SYT4: variants seen among roughly 807,000 people sequenced by gnomAD.
The protein encoded by SYT4 is synaptotagmin-4.
SYT4 carries 7 observed loss-of-function variants against 32.9 expected under a neutral mutation model. The observed-to-expected ratio is 0.21, with a 90% confidence interval of 0.12 to 0.40. The LOEUF is 0.40. Ranked by LOEUF, SYT4 falls within the 10% of genes least tolerant of loss-of-function variation. The probability of loss-of-function intolerance (pLI) is 1.00; values close to 1 mark genes in which losing one functional copy is unlikely to be tolerated. For missense variants in SYT4, 480 were observed against 488.0 expected, an observed-to-expected ratio of 0.98 and a Z score of 0.16; for synonymous variants, 205 against 186.2, an observed-to-expected ratio of 1.10 and a Z score of -0.82.
chr18:43,277,346 G>T lies in SYT4; in HGVS notation c.-65C>A. On this transcript the variant is annotated 5_prime_UTR_variant, in exon 1 of 4. Transcript: ENST00000255224. The stretch of plus-strand genomic sequence containing the variant: ...CTGCCTGGCTGGATTCACTTGCCTG[G>T]ATCTCAAGCGCCGGCTTTCGGAGCG... 1.2e-6 allele frequency: 2 copies of T among 1,601,586 alleles called. No homozygotes were observed. Among genetic ancestry groups the T allele is most frequent in the East Asian group, 2.2e-5 (1 of 44,668 alleles).
At chr18:43,275,425 T>A (rs916194382) in intron 1 of SYT4, among the ~76,000 whole-genome samples, 1 of 152,022 alleles carries the variant, frequency 6.6e-6, no homozygotes, top group Non-Finnish European at 1.5e-5. Flanking sequence ...ATCCATAGAG[T>A]CAATGCTTAA....
In SYT4 at chr18:43,274,109, T is replaced by C; in HGVS notation, c.320A>G (p.Lys107Arg). The change falls in exon 2 of 4, where the codon AAA (lysine) becomes AGA (arginine). Residue 107 changes from lysine (K) to arginine (R), a missense_variant. Physicochemically the swap from Lys to Arg is conservative, Grantham distance 26 (BLOSUM62 2). Transcript: ENST00000255224. Reference protein sequence around the residue: ...EKRDLNGNFPKTNLKPGSPSD... With the variant: ...EKRDLNGNFPRTNLKPGSPSD... ...AGGACTGCCAGGTTTGAGGTTGGTT[T>C]TGGGAAAATTGCCATTGAGATCTCT... 6.2e-7 allele frequency: 1 copy of C among 1,614,044 alleles called. No homozygotes were observed.
At position 43,267,970 on chromosome 18, in the gene SYT4, G is replaced by A. The variant is rs1309209165; in HGVS notation, c.*2371C>T. On this transcript the variant is annotated 3_prime_UTR_variant, in exon 4 of 4. Coordinates refer to ENST00000255224, the MANE Select transcript of SYT4 (RefSeq NM_020783.4). ...CATACAGAGCTGGCACAAAAGAACAGACACTGTCTCACACACCATGCTTCC... is the reference window on the plus strand; with the variant it reads ...CATACAGAGCTGGCACAAAAGAACAAACACTGTCTCACACACCATGCTTCC... The A allele has an allele frequency of 6.6e-6, 1 of 152,186 alleles. No homozygotes were observed. Among genetic ancestry groups the A allele is most frequent in the East Asian group, 1.9e-4 (1 of 5,202 alleles). 9.4% of individuals were successfully genotyped at this position (152,186 alleles called of 1,614,324 possible).
At position 43,273,888 on chromosome 18, in the gene SYT4, G is replaced by A; in HGVS notation, c.541C>T (p.Pro181Ser). ...GTCATCGACTGCTCATCCATGGCTGGCAAGCCACGGGCTTCCTTGATATTG... is the reference window on the plus strand; with the variant it reads ...GTCATCGACTGCTCATCCATGGCTGACAAGCCACGGGCTTCCTTGATATTG... ...VVNIKEARGLPAMDEQSMTSD... is the reference protein window; with the variant it reads ...VVNIKEARGLSAMDEQSMTSD... Residue 181 changes from proline to serine, a missense_variant, in exon 2 of 4, where the codon CCA becomes TCA. By Grantham distance (74) the Pro-to-Ser change is moderately conservative. Transcript: ENST00000255224. The A allele has an allele frequency of 6.2e-7, 1 of 1,613,962 alleles. No individual in the cohort carries two copies. The highest frequency in any genetic ancestry group is 8.5e-7 in the Non-Finnish European group (1 of 1,179,942).
Position 43,270,022 on chromosome 18 carries a change from A to T in SYT4, c.*319T>A. 3.6e-6 allele frequency: 1 copy of T among 279,282 alleles called. No homozygotes were observed. 17.3% of individuals were successfully genotyped at this position (279,282 alleles called of 1,614,324 possible). A position where few individuals can be genotyped will look rare whatever the true frequency, so the allele number is the denominator to read the frequency against. ...CATTAACTTTTTGTGACATGTTCCA[A>T]TGAGATTGTCACATTTATAATTTGG... On this transcript the variant is annotated 3_prime_UTR_variant, in exon 4 of 4. Transcript: ENST00000255224.
At position 43,274,288 on chromosome 18, in the gene SYT4, C is replaced by T; in HGVS notation, c.141G>A (p.Lys47=). ...CCQRKSSKSN[K]TPPYKFVHVL... ...CATGCACAAACTTGTATGGAGGAGT[C>T]TTGTTAGACTTGGATGATTTTCTCT... Residue 47 remains lysine (K), a synonymous_variant, in exon 2 of 4, where the codon AAG becomes AAA. Coordinates refer to ENST00000255224, the MANE Select transcript of SYT4 (RefSeq NM_020783.4). 1 of 1,613,864 alleles carries T rather than the reference C, an allele frequency of 6.2e-7. No individual in the cohort carries two copies. The highest frequency in any genetic ancestry group is 1.1e-5 in the South Asian group (1 of 91,072).
chr18:43,277,166 C>G, intron 1 of SYT4, 82 bp downstream of exon 1: 1 of 1,559,512 alleles, frequency 6.4e-7, no homozygotes. Context: ...ATTCAACAAC[C>G]GGGCAAAAAA....
In SYT4 at chr18:43,269,628, T is replaced by A. The variant is rs1393106265; in HGVS notation, c.*713A>T. On this transcript the variant is annotated 3_prime_UTR_variant, in exon 4 of 4. Transcript: ENST00000255224. ...ATAATCCAAGGCCATGGTTCTTATGTGAGGTTATATTTTACAAAATTTTGA... is the reference window on the plus strand; with the variant it reads ...ATAATCCAAGGCCATGGTTCTTATGAGAGGTTATATTTTACAAAATTTTGA... 6.5e-6 allele frequency: 1 copy of A among 152,696 alleles called. No individual in the cohort carries two copies. The highest frequency in any genetic ancestry group is 2.4e-5 in the African/African-American group (1 of 41,458). The allele number at this position is 152,696 out of a possible 1,614,324, so 9.5% of individuals were successfully genotyped here. A position where few individuals can be genotyped will look rare whatever the true frequency, so the allele number is the denominator to read the frequency against.
chr18:43,273,689 C>T lies in SYT4; in HGVS notation c.740G>A (p.Arg247Lys), dbSNP rs1376728755. Residue 247 changes from arginine (R) to lysine (K), a missense_variant, in exon 2 of 4, where the codon AGG becomes AAG. Transcript: ENST00000255224. ...ALHFTILSFD[R>K]FSRDDIIGEV... ...CCCAATGATATCATCTCTTGAAAACCTGTCAAAACTCAAAATTGTGAAGTG... is the reference window on the plus strand; with the variant it reads ...CCCAATGATATCATCTCTTGAAAACTTGTCAAAACTCAAAATTGTGAAGTG... 6.2e-7 allele frequency: 1 copy of T among 1,613,800 alleles called. No homozygotes were observed. Among genetic ancestry groups the T allele is most frequent in the African/African-American group, 1.3e-5 (1 of 74,894 alleles).
rs767895170 is a variant in SYT4, at chr18:43,270,693, G to A, written c.971-45C>T. 1.9e-5 allele frequency: 30 copies of A among 1,593,788 alleles called. 1 individual carries two copies. The South Asian group carries it at 3.1e-4, about 17-fold the overall frequency. ...GCATTACAATGGCATAACTGGGCTG[G>A]AGAGCTGATATCAAGATAACAGTGC... On this transcript the variant is annotated intron_variant, in intron 3 of 3. Coordinates refer to ENST00000255224, the MANE Select transcript of SYT4 (RefSeq NM_020783.4).
In SYT4 at chr18:43,268,377, A is replaced by T. The variant is rs970568629; in HGVS notation, c.*1964T>A. Reference sequence around the variant, plus strand: ...TTTACAAATTATCCATTTTAATTTTAAAAATGTTTGTTGTTGGTTTCATTG... The same window carrying T: ...TTTACAAATTATCCATTTTAATTTTTAAAATGTTTGTTGTTGGTTTCATTG... On this transcript the variant is annotated 3_prime_UTR_variant, in exon 4 of 4. Transcript: ENST00000255224. The T allele has an allele frequency of 3.4e-5, 5 of 147,906 alleles. No homozygotes were observed. The highest frequency in any genetic ancestry group is 7.4e-5 in the Non-Finnish European group (5 of 67,356). 9.2% of individuals were successfully genotyped at this position (147,906 alleles called of 1,614,324 possible).
Position 43,273,794 on chromosome 18 carries a change from C to G in SYT4, c.635G>C (p.Arg212Thr), listed in dbSNP as rs758485615. ...KKHKVKTRVL[R>T]KTLDPAFDET... is the part of the protein sequence containing the mutation. ...ATCAAAAGCTGGATCCAAGGTTTTT[C>G]TCAGCACTCTAGTTTTCACTTTATG... The change falls in exon 2 of 4, where the codon AGA becomes ACA. Residue 212 changes from arginine to threonine, a missense_variant. Transcript: ENST00000255224. The G allele has an allele frequency of 6.2e-7, 1 of 1,614,012 alleles. No homozygotes were observed. Among genetic ancestry groups the G allele is most frequent in the East Asian group, 2.2e-5 (1 of 44,844 alleles).
At position 43,268,815 on chromosome 18, in the gene SYT4, G is replaced by T. The variant is rs112857679; in HGVS notation, c.*1526C>A. The T allele has an allele frequency of 6.6e-6, 1 of 152,566 alleles. No individual in the cohort carries two copies. The highest frequency in any genetic ancestry group is 2.4e-5 in the African/African-American group (1 of 41,424). The allele number at this position is 152,566 out of a possible 1,614,324, so 9.5% of individuals were successfully genotyped here. ...TTTACATTAGGCATAGTCATAAAAA[G>T]CATGTATAAGTTGTTTGGAAAATGC... On this transcript the variant is annotated 3_prime_UTR_variant, in exon 4 of 4. Transcript: ENST00000255224.
chr18:43,272,195 C>T (rs1908652172), intron 2 of SYT4: 1 of 157,926 alleles, frequency 6.3e-6, no homozygotes, highest in African/African-American at 2.4e-5. Context: ...AGTAATAAAG[C>T]TTATCTAATT....
intron 1 of SYT4, among the ~76,000 whole-genome samples, chr18:43,276,213 T>C (rs2144370106): frequency 6.6e-6 from 1 of 152,314 alleles, no homozygotes; most frequent in East Asian, 1.9e-4. Context: ...ATTGTCCCTA[T>C]TGAATAGTTA....
At position 43,269,253 on chromosome 18, in the gene SYT4, T is replaced by C. The variant is rs1908552133; in HGVS notation, c.*1088A>G. 1 of 152,234 alleles carries C rather than the reference T, an allele frequency of 6.6e-6. No individual in the cohort carries two copies. Among genetic ancestry groups the C allele is most frequent in the African/African-American group, 2.4e-5 (1 of 41,460 alleles). 9.4% of individuals were successfully genotyped at this position (152,234 alleles called of 1,614,324 possible). ...CATATTTTGCGTGAACATATGTAAA[T>C]TATATTAGAATTGCTCTTGAACGAT... is the stretch of plus-strand genomic sequence containing the variant. On this transcript the variant is annotated 3_prime_UTR_variant, in exon 4 of 4. Transcript: ENST00000255224.
chr18:43,271,026 G>A (rs1003299329), intron 3 of SYT4, among the ~76,000 whole-genome samples: 1 of 152,124 alleles, frequency 6.6e-6, no homozygotes, highest in African/African-American at 2.4e-5. Context: ...TTACTGACTT[G>A]TATGACTTTG....
In SYT4 at chr18:43,270,352, A is replaced by C; in HGVS notation, c.1267T>G (p.Cys423Gly). The C allele has an allele frequency of 6.2e-7, 1 of 1,613,900 alleles. No homozygotes were observed. Among genetic ancestry groups the C allele is most frequent in the Non-Finnish European group, 8.5e-7 (1 of 1,179,828 alleles). ...TCACGGCTAGGATGCTAACCATCAC[A>C]GAGCACGTGCCACTTGGCAATTTGT... Reference protein sequence around the residue: ...RRQIAKWHVLCDG With the variant: ...RRQIAKWHVLGDG The change falls in exon 4 of 4, where the codon TGT becomes GGT. Residue 423 changes from cysteine (C) to glycine (G), a missense_variant. Transcript: ENST00000255224.
At chr18:43,270,774 C>A in intron 3 of SYT4, 126 bp from the exon 4 acceptor site, 4 of 958,054 alleles carry the variant, frequency 4.2e-6, no homozygotes, top group South Asian at 2.1e-5. Flanking sequence ...TAAGTCAAAA[C>A]AACAGAAAAA....
Sources: allele counts gnomAD v4.1 joint callset (sites outside exome capture counted in the v4.1 genomes callset), GRCh38; gene constraint gnomAD v4.1.1; transcripts MANE v1.5; gene names NCBI Gene and HGNC (gene_info 2026-07-23, HGNC 2026-07-21).